Variants in TXNRD2 observed in about 807,000 individuals in gnomAD.
The protein encoded by TXNRD2 is thioredoxin reductase 2.
TXNRD2 carries 67 observed loss-of-function variants against 70.8 expected under a neutral mutation model. That is an observed-to-expected ratio of 0.95 (90% confidence interval 0.78 to 1.16). The LOEUF is 1.16. TXNRD2 is among the 50% of genes most tolerant of loss of function. The pLI is 0.00. For synonymous variants in TXNRD2, 301 were observed against 295.8 expected (o/e 1.02, Z -0.18); for missense variants, 644 against 719.9 (o/e 0.89, Z 1.21).
At chr22:19,933,535 G>T (rs1321811170) in intron 1 of TXNRD2, 12 of 1,285,366 alleles carry the variant, frequency 9.3e-6, no homozygotes, top group Non-Finnish European at 1.1e-5. Context: ...CTGCTATCAG[G>T]CAGGGTGAGC....
Position 19,900,704 on chromosome 22 carries a change from C to T in TXNRD2, c.663-1636G>A, listed in dbSNP as rs368461242. Among the ~76,000 whole-genome samples, 12 of 151,132 alleles carry T rather than the reference C, an allele frequency of 7.9e-5. No individual in the cohort carries two copies. In the East Asian group the frequency reaches 1.9e-3, roughly 25 times the overall value. On this transcript the variant is annotated intron_variant, in intron 8 of 17. Transcript: ENST00000400521. Reference sequence around the variant, plus strand: ...GGTGGAGCTTGCAGTGAGCCAAGATCGTGTCACTGCACTCCAGCCTGGGCA... The same window carrying T: ...GGTGGAGCTTGCAGTGAGCCAAGATTGTGTCACTGCACTCCAGCCTGGGCA...
At chr22:19,880,492 T>G in intron 13 of TXNRD2, 130 bp downstream of exon 13, 1 of 915,088 alleles carries the variant, frequency 1.1e-6, no homozygotes, top group East Asian at 2.6e-5. Flanking sequence ...CACACCCACA[T>G]AAGCGCACAC....
At position 19,877,995 on chromosome 22, in the gene TXNRD2, G is replaced by A. The variant is rs545189674; in HGVS notation, c.1445+95C>T. On this transcript the variant is annotated intron_variant, in intron 16 of 17. Coordinates refer to ENST00000400521, the MANE Select transcript of TXNRD2 (RefSeq NM_006440.5). ...AACCCACGAAGGCCACATAAATGCC[G>A]CAAGAGTGGCAGCAGCTCTCCACTG... is the stretch of plus-strand genomic sequence containing the variant. The A allele has an allele frequency of 1.2e-3, 1,232 of 1,066,496 alleles. 3 individuals carry two copies. The highest frequency in any genetic ancestry group is 1.5e-3 in the Non-Finnish European group (1,046 of 703,926). 66.1% of individuals were successfully genotyped at this position (1,066,496 alleles called of 1,614,324 possible). A position where few individuals can be genotyped will look rare whatever the true frequency, so the allele number is the denominator to read the frequency against.
At chr22:19,896,175 G>C (rs1457004422) in intron 10 of TXNRD2, among the ~76,000 whole-genome samples, 1 of 151,996 alleles carries the variant, frequency 6.6e-6, no homozygotes, top group Non-Finnish European at 1.5e-5. Context: ...GCAGGTACCT[G>C]TAGTTCCAGC....
At chr22:19,891,797 C>CG (rs530164106) in intron 11 of TXNRD2, 148 of 152,376 alleles carry the variant, frequency 9.7e-4, no homozygotes, top group African/African-American at 3.2e-3. Context: ...AAACAATGAG[C>CG]GGGGGCCCCC....
At chr22:19,920,824 T>C (rs562356025) in intron 2 of TXNRD2, among the ~76,000 whole-genome samples, 10 of 152,282 alleles carry the variant, frequency 6.6e-5, no homozygotes, top group African/African-American at 1.2e-4. Context: ...TTTGCTTGGC[T>C]GGGTGCAGCG....
At chr22:19,909,847 TTCACACACACACCACACACACACC>T (rs1308393717) in intron 8 of TXNRD2, among the ~76,000 whole-genome samples, 4 of 9,096 alleles carry the variant, frequency 4.4e-4, no homozygotes, top group Non-Finnish European at 5.2e-4. Flanking sequence ...ACCCACACCC[TTCACACACACACCACACACACACC>T]ACTCACACAC....
intron 8 of TXNRD2, among the ~76,000 whole-genome samples, chr22:19,907,708 G>A (rs1267373960): frequency 1.9e-5 from 1 of 52,472 alleles, no homozygotes; most frequent in Non-Finnish European, 3.7e-5. Context: ...AGCAGTGACC[G>A]CTCTCAGGAG....
chr22:19,907,062 G>A (rs563170771), intron 8 of TXNRD2, among the ~76,000 whole-genome samples: 88 of 97,158 alleles, frequency 9.1e-4, no homozygotes, highest in Middle Eastern at 0.011. Context: ...TGTGGGCGCC[G>A]TGGATAGCAG....
intron 9 of TXNRD2, 152 bp downstream of exon 9, chr22:19,898,897 C>T: frequency 1.0e-6 from 1 of 984,002 alleles, no homozygotes; most frequent in Non-Finnish European, 1.5e-6. Flanking sequence ...TCAAACTGTC[C>T]CCAGGCACAG....
Position 19,877,060 on chromosome 22 carries a change from G to A in TXNRD2, c.*45C>T. 6.4e-7 allele frequency: 1 copy of A among 1,569,778 alleles called. No homozygotes were observed. Among genetic ancestry groups the A allele is most frequent in the Non-Finnish European group, 8.7e-7 (1 of 1,148,170 alleles). ...CATACCTGGGTCTGGCCTCCGAGGA[G>A]CTGGCGGCGGGCGCACCGTGTGCCC... On this transcript the variant is annotated 3_prime_UTR_variant, in exon 17 of 18. Transcript: ENST00000400521.
In TXNRD2 at chr22:19,900,987, C is replaced by T. The variant is rs766666296; in HGVS notation, c.663-1919G>A. Reference sequence around the variant, plus strand: ...CTCTGTGGGCAGCTGGGCCCCTGCACGTCAGGGCCTTCCTGGCCCTGAAGG... The same window carrying T: ...CTCTGTGGGCAGCTGGGCCCCTGCATGTCAGGGCCTTCCTGGCCCTGAAGG... On this transcript the variant is annotated intron_variant, in intron 8 of 17. Transcript: ENST00000400521. Among the ~76,000 whole-genome samples the T allele has an allele frequency of 7.2e-5, 11 of 152,334 alleles. No homozygotes were observed. The East Asian group carries it at 7.7e-4, about 11-fold the overall frequency.
chr22:19,937,395 G>A (rs1394655088), intron 1 of TXNRD2, among the ~76,000 whole-genome samples: 3 of 152,100 alleles, frequency 2.0e-5, no homozygotes, highest in Admixed American at 2.0e-4. Context: ...TGATTTTTTA[G>A]CTAAATTACA....
At position 19,941,817 on chromosome 22, in the gene TXNRD2, C is replaced by T; in HGVS notation, c.-14G>A. 6.6e-7 allele frequency: 1 copy of T among 1,524,064 alleles called. No homozygotes were observed. The highest frequency in any genetic ancestry group is 8.7e-7 in the Non-Finnish European group (1 of 1,146,170). The allele number at this position is 1,524,064 out of a possible 1,614,324, so 94.4% of individuals were successfully genotyped here. A position where few individuals can be genotyped will look rare whatever the true frequency, so the allele number is the denominator to read the frequency against. ...CATTGCCGCCATCGTCGTGGGGCTT[C>T]TGGGGCAGCTAGGGCTGCCCGCCGC... On this transcript the variant is annotated 5_prime_UTR_variant, in exon 1 of 18. Transcript: ENST00000400521.
intron 2 of TXNRD2, among the ~76,000 whole-genome samples, chr22:19,922,930 G>A (rs550312170): frequency 3.3e-5 from 5 of 151,218 alleles, no homozygotes; most frequent in East Asian, 3.9e-4. Flanking sequence ...CTCATGATCC[G>A]CCCACCTCGG....
intron 2 of TXNRD2, among the ~76,000 whole-genome samples, chr22:19,930,091 TAC>T (rs796327090): frequency 1.4e-4 from 21 of 152,160 alleles, no homozygotes; most frequent in African/African-American, 5.1e-4. Flanking sequence ...GTTCTGAGAG[TAC>T]AGTGTGGCAC....
At chr22:19,892,415 T>C (rs5993853) in intron 11 of TXNRD2, among the ~76,000 whole-genome samples, 118,866 of 152,288 alleles carry the variant, frequency 0.78, 47,400 homozygotes, top group African/African-American at 0.94. Context: ...CCAAGGACTG[T>C]GAAAAGCTTC....
intron 8 of TXNRD2, among the ~76,000 whole-genome samples, chr22:19,909,719 C>T (rs1454800012): frequency 7.4e-6 from 1 of 135,318 alleles, no homozygotes; most frequent in African/African-American, 2.8e-5. Flanking sequence ...ACACACCACG[C>T]ACACACACCA....
intron 1 of TXNRD2, among the ~76,000 whole-genome samples, chr22:19,932,991 G>T (rs1941422041): frequency 6.6e-6 from 1 of 152,220 alleles, no homozygotes; most frequent in South Asian, 2.1e-4. Flanking sequence ...TCTAGAACAT[G>T]CACTCCTAAA....
Sources: allele counts gnomAD v4.1 joint callset (sites outside exome capture counted in the v4.1 genomes callset), GRCh38; gene constraint gnomAD v4.1.1; transcripts MANE v1.5; gene names NCBI Gene and HGNC (gene_info 2026-07-23, HGNC 2026-07-21).